The following CCNY variants were observed in gnomAD, a reference collection of about 807,000 sequenced individuals.
CCNY encodes the protein cyclin-Y.
CCNY carries 19 observed loss-of-function variants against 42.8 expected under a neutral mutation model. That is an observed-to-expected ratio of 0.44 (90% CI 0.31 to 0.65). The LOEUF (loss-of-function observed/expected upper bound fraction) is 0.65. Among genes scored for constraint, CCNY ranks in the 30% least tolerant of loss-of-function variants. The pLI is 0.07. For synonymous variants in CCNY, 165 were observed against 162.7 expected, an observed-to-expected ratio of 1.01 and a Z score of -0.11; for missense variants, 370 against 437.3, an observed-to-expected ratio of 0.85 and a Z score of 1.37.
intron 7 of CCNY, among the ~76,000 whole-genome samples, chr10:35,551,493 T>A (rs1334610982): frequency 2.0e-5 from 3 of 152,244 alleles, no homozygotes; most frequent in African/African-American, 7.2e-5. Context: ...TATCTGCAAG[T>A]TCTTAAAAAT....
At chr10:35,556,283 C>T (rs918386038) in intron 8 of CCNY, among the ~76,000 whole-genome samples, 7 of 152,130 alleles carry the variant, frequency 4.6e-5, no homozygotes, top group African/African-American at 1.7e-4. Flanking sequence ...TTTCCACTGC[C>T]CTCTGTCAGG....
At position 35,530,312 on chromosome 10, in the gene CCNY, G is replaced by T; in HGVS notation, c.579+69G>T. 1 of 1,597,190 alleles carries T rather than the reference G, an allele frequency of 6.3e-7. No homozygotes were observed. The highest frequency in any genetic ancestry group is 1.1e-5 in the South Asian group (1 of 90,156). On this transcript the variant is annotated intron_variant, in intron 7 of 9. Transcript: ENST00000374704. The surrounding 1 kb of genome is among the most constrained non-coding windows in gnomAD (Gnocchi z 4.3). The stretch of plus-strand genomic sequence containing the variant: ...GTCCAGGGCCCGTTCCTGTTACTCA[G>T]CGGAGTGAGGTTGGAGCAGGGAATC...
At chr10:35,337,538 G>A (rs1047720737) in intron 1 of CCNY, among the ~76,000 whole-genome samples, 7 of 152,216 alleles carry the variant, frequency 4.6e-5, no homozygotes, top group Admixed American at 4.6e-4. Flanking sequence ...GGGGCGGCCC[G>A]GGAGCTCGGG....
chr10:35,566,244 C>T, intron 9 of CCNY, 59 bp downstream of exon 9: 1 of 1,512,024 alleles, frequency 6.6e-7, no homozygotes. Context: ...CATCTGAGTA[C>T]CAGAGATGCA....
At chr10:35,482,734 G>A (rs1839695628) in intron 1 of CCNY, among the ~76,000 whole-genome samples, 1 of 146,030 alleles carries the variant, frequency 6.8e-6, no homozygotes, top group Admixed American at 6.9e-5. Flanking sequence ...GATTTCTCAA[G>A]GGAAGCTGGA....
intron 2 of CCNY, among the ~76,000 whole-genome samples, chr10:35,495,887 T>TTGAGTGAG (rs577398890): frequency 5.9e-5 from 9 of 152,106 alleles, no homozygotes; most frequent in African/African-American, 1.7e-4. Flanking sequence ...TTGTTTTGAA[T>TTGAGTGAG]TGAGTGAGTG....
chr10:35,487,421 T>C (rs1352870755), intron 2 of CCNY, among the ~76,000 whole-genome samples: 2 of 152,114 alleles, frequency 1.3e-5, no homozygotes, highest in African/African-American at 2.4e-5. Context: ...TCCTGGGTCT[T>C]GACAGCTCCG....
At chr10:35,393,951 A>G (rs1407957592) in intron 1 of CCNY, among the ~76,000 whole-genome samples, 2 of 152,248 alleles carry the variant, frequency 1.3e-5, no homozygotes, top group Non-Finnish European at 2.9e-5. Flanking sequence ...CTGTATATAA[A>G]AAAAGAAATG....
At chr10:35,542,407 T>G (rs1205380069) in intron 7 of CCNY, among the ~76,000 whole-genome samples, 5 of 152,128 alleles carry the variant, frequency 3.3e-5, no homozygotes, top group Non-Finnish European at 5.9e-5. Flanking sequence ...TGGCTGAGGT[T>G]GTGTTTGTCA....
intron 1 of CCNY, among the ~76,000 whole-genome samples, chr10:35,377,255 C>T (rs1164415117): frequency 6.6e-6 from 1 of 152,226 alleles, no homozygotes; most frequent in Admixed American, 6.5e-5. Flanking sequence ...TCAGCACTCA[C>T]TTGCTGACTG....
intron 7 of CCNY, among the ~76,000 whole-genome samples, chr10:35,534,297 C>T (rs1454902769): frequency 6.6e-6 from 1 of 152,240 alleles, no homozygotes; most frequent in African/African-American, 2.4e-5. Flanking sequence ...TCTGGGATTA[C>T]AGGCGTGCGC....
At chr10:35,473,703 C>T (rs1350289122) in intron 1 of CCNY, among the ~76,000 whole-genome samples, 1 of 152,214 alleles carries the variant, frequency 6.6e-6, no homozygotes, top group Non-Finnish European at 1.5e-5. Context: ...TCTATAATCT[C>T]TAATTTTAAG....
intron 2 of CCNY, among the ~76,000 whole-genome samples, chr10:35,250,193 C>CAACA (rs1240924037): frequency 1.0e-4 from 8 of 77,800 alleles, no homozygotes; most frequent in African/African-American, 3.5e-4. Flanking sequence ...GACTCCATCT[C>CAACA]AAAAAAAAAA....
chr10:35,571,393 A>G lies in CCNY; in HGVS notation c.*2223A>G, dbSNP rs1455448625. On this transcript the variant is annotated 3_prime_UTR_variant, in exon 10 of 10. Transcript: ENST00000374704. Reference sequence around the variant, plus strand: ...ACCTAAAATTTAAAGTGGATTCCATAAAACCAGACTCAAGTCTTGTTTAGA... The same window carrying G: ...ACCTAAAATTTAAAGTGGATTCCATGAAACCAGACTCAAGTCTTGTTTAGA... 1 of 152,380 alleles carries G rather than the reference A, an allele frequency of 6.6e-6. No homozygotes were observed. The highest frequency in any genetic ancestry group is 1.9e-4 in the East Asian group (1 of 5,344). The allele number at this position is 152,380 out of a possible 1,614,324, so 9.4% of individuals were successfully genotyped here. A position where few individuals can be genotyped will look rare whatever the true frequency, so the allele number is the denominator to read the frequency against.
chr10:35,316,023 G>A (rs1421025666), intron 3 of CCNY, among the ~76,000 whole-genome samples: 1 of 152,060 alleles, frequency 6.6e-6, no homozygotes, highest in African/African-American at 2.4e-5. Context: ...TATTGTGACT[G>A]GCATAAGTAA....
chr10:35,501,763 T>A, intron 3 of CCNY: 1 of 465,022 alleles, frequency 2.2e-6, no homozygotes, highest in Admixed American at 3.5e-5. Flanking sequence ...GTTCATGAGA[T>A]GATGTGTGTG....
intron 3 of CCNY, among the ~76,000 whole-genome samples, chr10:35,275,056 C>CTTTTTTTTTTT (rs34467762): frequency 1.5e-5 from 1 of 64,898 alleles, no homozygotes; most frequent in Non-Finnish European, 2.6e-5. Context: ...ACCGTCATTC[C>CTTTTTTTTTTT]TTTTTTTTTT....
chr10:35,411,278 C>T (rs1170449901), intron 1 of CCNY, among the ~76,000 whole-genome samples: 6 of 151,866 alleles, frequency 4.0e-5, no homozygotes, highest in East Asian at 1.9e-4. Flanking sequence ...TTTGGGAGGC[C>T]GAGGCAGGAG....
intron 3 of CCNY, among the ~76,000 whole-genome samples, chr10:35,273,363 G>A (rs1039476850): frequency 2.6e-5 from 4 of 151,856 alleles, no homozygotes; most frequent in African/African-American, 7.3e-5. Flanking sequence ...CACCATGCCC[G>A]GCTCATTTTT....
Sources: allele counts gnomAD v4.1 joint callset (sites outside exome capture counted in the v4.1 genomes callset), GRCh38; gene constraint gnomAD v4.1.1; non-coding constraint Gnocchi (gnomAD v3.1); transcripts MANE v1.5; gene names NCBI Gene and HGNC (gene_info 2026-07-23, HGNC 2026-07-21).